WDR54: variants seen among roughly 807,000 people sequenced by gnomAD.
The protein encoded by WDR54 is WD repeat-containing protein 54.
In WDR54, 44 loss-of-function variants were observed where a neutral mutation model predicts 44.1. The ratio of observed to expected loss-of-function variants is 1.00; its 90% CI spans 0.78 to 1.28. WDR54 has a LOEUF of 1.28. Ranked by LOEUF, WDR54 falls within the 50% of genes most tolerant of loss-of-function variation. The pLI, the probability that WDR54 is intolerant of heterozygous loss-of-function variation, is 0.00. For missense variants in WDR54, 409 were observed against 429.7 expected (o/e 0.95, Z 0.43); for synonymous variants, 169 against 169.8 (o/e 1.00, Z 0.04).
intron 3 of WDR54, 28 bp from the exon 4 acceptor site, chr2:74,423,291 C>A (rs773891757): frequency 1.9e-6 from 3 of 1,611,772 alleles, no homozygotes; most frequent in Admixed American, 1.7e-5. Flanking sequence ...TTGGGTTATG[C>A]CCCCTGGTTC....
chr2:74,425,455 G>C lies in WDR54; in HGVS notation c.837G>C (p.Trp279Cys). The C allele has an allele frequency of 6.2e-7, 1 of 1,614,220 alleles. No individual in the cohort carries two copies. The highest frequency in any genetic ancestry group is 8.5e-7 in the Non-Finnish European group (1 of 1,180,034). ...GTGAGGACACCTTTGTGCATATCTG[G>C]AAGCTGAGCAGAAACCCAGAGAGTG... Reference protein sequence around the residue: ...SAGEDTFVHIWKLSRNPESGY... With the variant: ...SAGEDTFVHICKLSRNPESGY... The change falls in exon 9 of 10, where the codon TGG becomes TGC. Residue 279 changes from tryptophan (W) to cysteine (C), a missense_variant. Transcript: ENST00000348227.
At chr2:74,424,355 C>T (rs1670259716) in intron 6 of WDR54, among the ~76,000 whole-genome samples, 1 of 152,242 alleles carries the variant, frequency 6.6e-6, no homozygotes, top group African/African-American at 2.4e-5. Context: ...ACTGATGTCT[C>T]TTAGCTGAAA....
chr2:74,424,835 A>G (rs762950758), intron 6 of WDR54, 40 bp from the exon 7 acceptor site: 11 of 1,612,138 alleles, frequency 6.8e-6, no homozygotes, highest in South Asian at 5.5e-5. Flanking sequence ...GGACCATAGC[A>G]GGGGAGAAAG....
At position 74,424,879 on chromosome 2, in the gene WDR54, G is replaced by A. The variant is rs754346230; in HGVS notation, c.539G>A (p.Cys180Tyr). ...IATEPAQGQD[C>Y]VADMVTADDS... Reference sequence around the variant, plus strand: ...TGATCTTGCCTTTCCCTTCAGGATTGTGTGGCTGACATGGTGACGGCAGAT... The same window carrying A: ...TGATCTTGCCTTTCCCTTCAGGATTATGTGGCTGACATGGTGACGGCAGAT... The change falls in exon 7 of 10, where the codon TGT becomes TAT. Residue 180 changes from cysteine (C) to tyrosine (Y), a missense_variant. Cys to Tyr is a radical substitution (Grantham distance 194, BLOSUM62 -2). Transcript: ENST00000348227. 5 of 1,614,096 alleles carry A rather than the reference G, an allele frequency of 3.1e-6. No homozygotes were observed. Among genetic ancestry groups the A allele is most frequent in the Non-Finnish European group, 4.2e-6 (5 of 1,180,038 alleles).
rs1377403802 is a variant in WDR54 at position 74,422,219 on chromosome 2, T to A, written c.66T>A (p.Ser22Arg). 1.9e-6 allele frequency: 3 copies of A among 1,614,012 alleles called. No individual in the cohort carries two copies. The highest frequency in any genetic ancestry group is 1.7e-6 in the Non-Finnish European group (2 of 1,180,030). The part of the protein sequence containing the change: ...GSAAALCNNL[S>R]VLQLPARNLT... ...CCGCCGCCCTGTGCAACAACCTCAG[T>A]GTGCTGCAGCTGCCGGCTCGCAACC... is the stretch of plus-strand genomic sequence containing the variant. The change falls in exon 2 of 10, where the codon AGT becomes AGA. Residue 22 changes from serine (S) to arginine (R), a missense_variant. By Grantham distance (110) the Ser-to-Arg change is moderately radical. Transcript: ENST00000348227.
chr2:74,425,449 T>C lies in WDR54; in HGVS notation c.831T>C (p.His277=), dbSNP rs771413615. Residue 277 remains histidine, a synonymous_variant, in exon 9 of 10, where the codon CAT becomes CAC. Transcript: ENST00000348227. ...CTGCAGGTGAGGACACCTTTGTGCA[T>C]ATCTGGAAGCTGAGCAGAAACCCAG... ...LLSAGEDTFV[H]IWKLSRNPES... 6.2e-7 allele frequency: 1 copy of C among 1,614,230 alleles called. No homozygotes were observed. Among genetic ancestry groups the C allele is most frequent in the Admixed American group, 1.7e-5 (1 of 60,034 alleles).
chr2:74,422,575 A>C (rs1670166164), intron 2 of WDR54, 200 bp downstream of exon 2: 1 of 673,418 alleles, frequency 1.5e-6, no homozygotes, highest in South Asian at 2.0e-5. Context: ...CGGGCACTTG[A>C]GGCCAGGAGT....
At chr2:74,423,031 T>G in intron 3 of WDR54, 99 bp downstream of exon 3, 1 of 1,244,004 alleles carries the variant, frequency 8.0e-7, no homozygotes. Flanking sequence ...TTCCAGACTT[T>G]TCACATGCTT....
At chr2:74,425,261 C>T (rs1558535349) in intron 8 of WDR54, 24 bp downstream of exon 8, 5 of 1,537,860 alleles carry the variant, frequency 3.3e-6, no homozygotes, top group Middle Eastern at 1.8e-4. Context: ...TCTGTACCTA[C>T]ATACCCTTTT....
Position 74,425,232 on chromosome 2 carries a change from G to A in WDR54, c.793G>A (p.Gly265Ser), listed in dbSNP as rs775056264. 11 of 1,531,026 alleles carry A rather than the reference G, an allele frequency of 7.2e-6. No individual in the cohort carries two copies. Among genetic ancestry groups the A allele is most frequent in the Non-Finnish European group, 8.8e-6 (10 of 1,138,808 alleles). 94.8% of individuals were successfully genotyped at this position (1,531,026 alleles called of 1,614,324 possible). A position where few individuals can be genotyped will look rare whatever the true frequency, so the allele number is the denominator to read the frequency against. Residue 265 changes from glycine to serine, a missense_variant, in exon 8 of 10, where the codon GGC becomes AGC. Gly to Ser is a moderately conservative substitution (Grantham distance 56). Transcript: ENST00000348227. ...CGCCCTGGACCTGGCTTCTGAGGTG[G>A]GCAAGGTAAGTCTCCTCCTCTGTAC... ...ICALDLASEV[G>S]KLLSAGEDTF... is the part of the protein sequence containing the mutation.
Position 74,423,329 on chromosome 2 carries a change from CCAATGGCTACACCATGGTCTACT to C in WDR54, c.297_319del (p.Asn100AlafsTer39). 1 of 1,613,848 alleles carries C rather than the reference CCAATGGCTACACCATGGTCTACT, an allele frequency of 6.2e-7. No individual in the cohort carries two copies. The highest frequency in any genetic ancestry group is 8.5e-7 in the Non-Finnish European group (1 of 1,180,050). Reference sequence around the variant, plus strand: ...GCCCCGGTCTTCCAGATGTACGAGTCCAATGGCTACACCATGGTCTACTGGCATGCACTGGACTCTGGAGATGC... The same window carrying C: ...GCCCCGGTCTTCCAGATGTACGAGTCGGCATGCACTGGACTCTGGAGATGC... On this transcript the variant is annotated frameshift_variant, in exon 4 of 10. Transcript: ENST00000348227. LOFTEE classifies it high-confidence loss of function.
rs1573226662 is a variant in WDR54 at position 74,424,811 on chromosome 2, C to T, written c.535-64C>T. Reference sequence around the variant, plus strand: ...TGCACACACTGCCTCCCTTCCCCTCCTGCCCTGTATACAGGACCATAGCAG... The same window carrying T: ...TGCACACACTGCCTCCCTTCCCCTCTTGCCCTGTATACAGGACCATAGCAG... On this transcript the variant is annotated intron_variant, in intron 6 of 9. Coordinates refer to ENST00000348227, the MANE Select transcript of WDR54 (RefSeq NM_032118.4). The T allele has an allele frequency of 3.8e-6, 6 of 1,596,780 alleles. No homozygotes were observed. In the East Asian group the frequency reaches 1.3e-4, roughly 36 times the overall value.
At chr2:74,423,816 G>T in intron 5 of WDR54, 39 bp from the exon 6 acceptor site, 2 of 1,608,306 alleles carry the variant, frequency 1.2e-6, no homozygotes, top group Non-Finnish European at 1.7e-6. Context: ...ACCCAGGAGG[G>T]TCAGGAAGTC....
Position 74,422,851 on chromosome 2 carries a change from C to G in WDR54, c.223-19C>G. On this transcript the variant is annotated intron_variant, in intron 2 of 9. Transcript: ENST00000348227. The stretch of plus-strand genomic sequence containing the variant: ...TCCCTGCTTTGATTTTCTCCCTACA[C>G]TGATGCACCTCCCTCCAGGTCCACT... The G allele has an allele frequency of 1.2e-6, 2 of 1,608,184 alleles. No individual in the cohort carries two copies. The highest frequency in any genetic ancestry group is 1.7e-6 in the Non-Finnish European group (2 of 1,174,896).
At chr2:74,421,967 C>G in intron 1 of WDR54, 151 bp downstream of exon 1, 1 of 639,350 alleles carries the variant, frequency 1.6e-6, no homozygotes, top group Non-Finnish European at 2.8e-6. Context: ...CCCCCGTCGC[C>G]CCAAAACAGC....
chr2:74,424,506 G>T (rs1670267274), intron 6 of WDR54, among the ~76,000 whole-genome samples: 1 of 152,218 alleles, frequency 6.6e-6, no homozygotes, highest in South Asian at 2.1e-4. Flanking sequence ...TGTGTTGGCT[G>T]CCTGGTGTTG....
chr2:74,422,477 C>T lies in WDR54; in HGVS notation c.222+102C>T. 3.8e-6 allele frequency: 5 copies of T among 1,328,330 alleles called. No individual in the cohort carries two copies. In the Middle Eastern group the frequency reaches 6.2e-4, roughly 164 times the overall value. The allele number at this position is 1,328,330 out of a possible 1,614,324, so 82.3% of individuals were successfully genotyped here. A position where few individuals can be genotyped will look rare whatever the true frequency, so the allele number is the denominator to read the frequency against. On this transcript the variant is annotated intron_variant, in intron 2 of 9. Coordinates refer to ENST00000348227, the MANE Select transcript of WDR54 (RefSeq NM_032118.4). Reference sequence around the variant, plus strand: ...AGGCATGTCCTAACCTCAGAATCTCCCCAGGCATGTCCTAACCTCAGAATC... The same window carrying T: ...AGGCATGTCCTAACCTCAGAATCTCTCCAGGCATGTCCTAACCTCAGAATC...
chr2:74,423,252 G>T (rs1005459833), intron 3 of WDR54, 67 bp from the exon 4 acceptor site: 23 of 1,548,276 alleles, frequency 1.5e-5, no homozygotes, highest in Middle Eastern at 2.3e-4. Context: ...AGGCTAACAC[G>T]GATATGTGAA....
At chr2:74,423,570 G>T (rs376248664) in intron 5 of WDR54, 39 bp downstream of exon 5, 65 of 1,608,054 alleles carry the variant, frequency 4.0e-5, no homozygotes, top group Non-Finnish European at 5.4e-5. Flanking sequence ...GGGTGCTGGG[G>T]CATGTGGGCT....
Sources: gnomAD v4.1 joint callset for allele counts (sites outside exome capture counted in the v4.1 genomes callset) on GRCh38, gnomAD v4.1.1 for gene constraint, MANE v1.5 for transcripts, NCBI Gene and HGNC (gene_info 2026-07-23, HGNC 2026-07-21) for gene names.